Variants in ZMYM2 observed in about 807,000 individuals in gnomAD.
ZMYM2 encodes the protein zinc finger MYM-type protein 2.
ZMYM2 carries 56 observed loss-of-function variants against 162.8 expected under a neutral mutation model. That is an observed-to-expected ratio of 0.34 (90% CI 0.28 to 0.43). ZMYM2 has a LOEUF of 0.43. Ranked by LOEUF, ZMYM2 falls within the 20% of genes least tolerant of loss-of-function variation. The pLI is 1.00. For synonymous variants in ZMYM2, 510 were observed against 541.6 expected, an observed-to-expected ratio of 0.94 and a Z score of 0.81; for missense variants, 1,275 against 1,621.8, an observed-to-expected ratio of 0.79 and a Z score of 3.67.
chr13:19,977,492 A>G (rs879377072), intron 2 of ZMYM2, among the ~76,000 whole-genome samples: 1 of 137,292 alleles, frequency 7.3e-6, no homozygotes, highest in African/African-American at 2.8e-5. Flanking sequence ...TTTCCTTTCC[A>G]TTTCTTTTTT....
chr13:20,068,601 T>G (rs547058775), intron 21 of ZMYM2, among the ~76,000 whole-genome samples: 1 of 152,192 alleles, frequency 6.6e-6, no homozygotes, highest in African/African-American at 2.4e-5. Context: ...AAGATCCATG[T>G]GTGTATTTTC....
At chr13:20,027,115 C>A in intron 8 of ZMYM2, 88 bp from the exon 9 acceptor site, 2 of 878,318 alleles carry the variant, frequency 2.3e-6, no homozygotes, top group Non-Finnish European at 3.3e-6. Context: ...TATTTTTTAA[C>A]AGAAACTTCT....
At chr13:20,037,285 G>C (rs1003337365) in intron 12 of ZMYM2, among the ~76,000 whole-genome samples, 1 of 136,390 alleles carries the variant, frequency 7.3e-6, no homozygotes. Flanking sequence ...GCACCATCTC[G>C]GCTCACTGCA....
chr13:20,075,093 A>G (rs1330130482), intron 21 of ZMYM2, among the ~76,000 whole-genome samples: 1 of 152,230 alleles, frequency 6.6e-6, no homozygotes, highest in Non-Finnish European at 1.5e-5. Context: ...TAAGATAACT[A>G]AAGTAAACTT....
At position 19,983,318 on chromosome 13, in the gene ZMYM2, G is replaced by A. The variant is rs539995166; in HGVS notation, c.-10-9745G>A. 4.3e-4 allele frequency among the ~76,000 whole-genome samples: 65 copies of A among 152,106 alleles called. No homozygotes were observed. In the South Asian group the frequency reaches 0.013, roughly 31 times the overall value. On this transcript the variant is annotated intron_variant, in intron 2 of 24. Transcript: ENST00000610343. ...TGCCATCATGGCACGGCTAATTTTT[G>A]TATTTTTAGTAGAGATGGGGTTTTG...
chr13:20,062,710 C>T (rs947022121), intron 17 of ZMYM2, 136 bp from the exon 18 acceptor site: 2 of 831,528 alleles, frequency 2.4e-6, no homozygotes, highest in African/African-American at 3.5e-5. Flanking sequence ...ATATAATATG[C>T]CCTTTTCTTT....
At chr13:20,051,162 G>A (rs1331562531) in intron 12 of ZMYM2, among the ~76,000 whole-genome samples, 1 of 151,348 alleles carries the variant, frequency 6.6e-6, no homozygotes, top group African/African-American at 2.4e-5. Context: ...CATTCATTTG[G>A]TCTACCAATA....
At chr13:20,065,998 ATATT>A (rs1346308331) in intron 19 of ZMYM2, among the ~76,000 whole-genome samples, 9 of 152,272 alleles carry the variant, frequency 5.9e-5, no homozygotes, top group South Asian at 4.2e-4. Flanking sequence ...TTATTGTCTT[ATATT>A]TATTTTCTCA....
the ZMYM2 span, among the ~76,000 whole-genome samples, chr13:19,925,813 G>C: frequency 6.7e-6 from 1 of 149,518 alleles, no homozygotes; most frequent in Admixed American, 6.7e-5. Context: ...AGAGGTTGCA[G>C]TGAGCCGAGA....
At chr13:20,017,484 C>G (rs998417685) in intron 6 of ZMYM2, among the ~76,000 whole-genome samples, 1 of 152,156 alleles carries the variant, frequency 6.6e-6, no homozygotes, top group Non-Finnish European at 1.5e-5. Flanking sequence ...CTAGTGTTTG[C>G]TAACCTTCTA....
chr13:20,033,242 G>T (rs540591176), intron 10 of ZMYM2, among the ~76,000 whole-genome samples: 1 of 151,900 alleles, frequency 6.6e-6, no homozygotes, highest in Non-Finnish European at 1.5e-5. Flanking sequence ...ATCAAAATGA[G>T]GTCCTTTTCA....
At chr13:19,950,214 T>TA in the ZMYM2 span, among the ~76,000 whole-genome samples, 2 of 151,888 alleles carry the variant, frequency 1.3e-5, no homozygotes, top group East Asian at 1.9e-4. Context: ...TTTTAAAAAT[T>TA]AAAAAAAAGT....
intron 2 of ZMYM2, among the ~76,000 whole-genome samples, chr13:19,975,861 A>AATGAATGT (rs1555280804): frequency 3.3e-4 from 48 of 147,010 alleles, no homozygotes; most frequent in South Asian, 4.4e-4. Flanking sequence ...CCATTTTTAA[A>AATGAATGT]ATGTATGTAT....
the ZMYM2 span, among the ~76,000 whole-genome samples, chr13:19,895,607 A>G: frequency 1.3e-5 from 2 of 151,742 alleles, no homozygotes; most frequent in Non-Finnish European, 2.9e-5. Flanking sequence ...TAACCCGTTA[A>G]TCCACTAACC....
At chr13:19,966,646 G>T (rs1024137089) in intron 2 of ZMYM2, among the ~76,000 whole-genome samples, 2 of 151,550 alleles carry the variant, frequency 1.3e-5, no homozygotes, top group African/African-American at 4.9e-5. Flanking sequence ...TCTCCATGTT[G>T]GTCAGCCTGG....
chr13:19,873,380 T>TTTTTTTTA, the ZMYM2 span, among the ~76,000 whole-genome samples: 53 of 136,952 alleles, frequency 3.9e-4, no homozygotes, highest in South Asian at 1.5e-3. Flanking sequence ...ACAGAGTCAA[T>TTTTTTTTA]TTTATTTATT....
chr13:20,068,169 T>C, intron 21 of ZMYM2: 1 of 181,196 alleles, frequency 5.5e-6, no homozygotes, highest in Non-Finnish European at 1.2e-5. Flanking sequence ...GACCATCATA[T>C]ATCTTGCAGT....
At chr13:19,922,037 C>T in the ZMYM2 span, among the ~76,000 whole-genome samples, 1 of 152,078 alleles carries the variant, frequency 6.6e-6, no homozygotes, top group African/African-American at 2.4e-5. Flanking sequence ...CCTCAGCCTC[C>T]TGAGTAACTG....
chr13:19,884,212 T>C, the ZMYM2 span, among the ~76,000 whole-genome samples: 1 of 151,824 alleles, frequency 6.6e-6, no homozygotes, highest in East Asian at 1.9e-4. Context: ...CTCAAAAAAA[T>C]TTAAAAATTA....
Sources: allele counts gnomAD v4.1 joint callset (sites outside exome capture counted in the v4.1 genomes callset), GRCh38; gene constraint gnomAD v4.1.1; transcripts MANE v1.5; gene names NCBI Gene and HGNC (gene_info 2026-07-23, HGNC 2026-07-21).